LRFN5: variants seen among roughly 807,000 people sequenced by gnomAD.
LRFN5 encodes leucine rich repeat and fibronectin type III domain containing 5, also known as leucine-rich repeat and fibronectin type-III domain-containing protein 5.
LRFN5 carries 24 observed loss-of-function variants against 45.6 expected under a neutral mutation model. That is an observed-to-expected ratio of 0.53 (90% CI 0.38 to 0.74). The LOEUF (loss-of-function observed/expected upper bound fraction) is 0.74. Ranked by LOEUF, LRFN5 falls within the 30% of genes least tolerant of loss-of-function variation. The pLI, the probability that LRFN5 is intolerant of heterozygous loss-of-function variation, is 0.00. For missense variants in LRFN5, 776 were observed against 861.5 expected (o/e 0.90, Z 1.24); for synonymous variants, 340 against 313.8 (o/e 1.08, Z -0.88).
chr14:41,891,111 T>A (rs1300019871), intron 3 of LRFN5, 139 bp from the exon 4 acceptor site: 1 of 713,094 alleles, frequency 1.4e-6, no homozygotes, highest in Admixed American at 2.8e-5. Flanking sequence ...AAATATGAGA[T>A]TAGATCATTT....
At chr14:41,627,041 A>G (rs1403570842) in intron 1 of LRFN5, among the ~76,000 whole-genome samples, 1 of 152,164 alleles carries the variant, frequency 6.6e-6, no homozygotes, top group Non-Finnish European at 1.5e-5. Flanking sequence ...TACATTTTCA[A>G]TAAACTTGAT....
At chr14:41,706,395 C>T (rs562265386) in intron 1 of LRFN5, among the ~76,000 whole-genome samples, 48 of 152,174 alleles carry the variant, frequency 3.2e-4, no homozygotes, top group African/African-American at 9.1e-4. Context: ...CCACCATGTC[C>T]GGCCGTTTCT....
At chr14:41,744,415 C>T (rs574897217) in intron 1 of LRFN5, among the ~76,000 whole-genome samples, 30 of 151,810 alleles carry the variant, frequency 2.0e-4, no homozygotes, top group African/African-American at 6.3e-4. Flanking sequence ...CATTTCAATA[C>T]AAAAAAATTT....
At chr14:41,808,657 A>T (rs1887632462) in intron 2 of LRFN5, among the ~76,000 whole-genome samples, 2 of 152,066 alleles carry the variant, frequency 1.3e-5, no homozygotes, top group Admixed American at 1.3e-4. Flanking sequence ...TTGTGGCCAG[A>T]CCTATTAATC....
At chr14:41,608,693 C>T (rs992699951) in intron 1 of LRFN5, 131 bp downstream of exon 1, 1 of 152,342 alleles carries the variant, frequency 6.6e-6, no homozygotes, top group Non-Finnish European at 1.5e-5. Context: ...TATCCAAGGG[C>T]GCCTGCTCTG....
chr14:41,842,473 T>G (rs530377693), intron 2 of LRFN5, among the ~76,000 whole-genome samples: 1 of 152,216 alleles, frequency 6.6e-6, no homozygotes, highest in Admixed American at 6.5e-5. Flanking sequence ...TGTATATAAT[T>G]TACAACAAAT....
intron 1 of LRFN5, among the ~76,000 whole-genome samples, chr14:41,668,424 T>G (rs1881008186): frequency 6.6e-6 from 1 of 152,160 alleles, no homozygotes; most frequent in Non-Finnish European, 1.5e-5. Context: ...TTTATAACCT[T>G]GGACAATCAC....
chr14:41,725,121 C>T (rs1883877379), intron 1 of LRFN5, among the ~76,000 whole-genome samples: 2 of 152,112 alleles, frequency 1.3e-5, no homozygotes, highest in African/African-American at 4.8e-5. Context: ...GGCCCATCGC[C>T]TTACATTAAT....
intron 2 of LRFN5, among the ~76,000 whole-genome samples, chr14:41,782,974 C>CCTT (rs1886583481): frequency 7.8e-6 from 1 of 127,634 alleles, no homozygotes; most frequent in Non-Finnish European, 1.6e-5. Context: ...GGTGATACAG[C>CCTT]TTTTTTTTTT....
intron 1 of LRFN5, among the ~76,000 whole-genome samples, chr14:41,638,797 T>G (rs1027445849): frequency 5.9e-5 from 9 of 152,234 alleles, no homozygotes; most frequent in African/African-American, 2.2e-4. Flanking sequence ...TTATAAAGCA[T>G]AGTAATAATG....
intron 2 of LRFN5, among the ~76,000 whole-genome samples, chr14:41,795,578 A>C (rs540810449): frequency 6.6e-6 from 1 of 152,130 alleles, no homozygotes; most frequent in Admixed American, 6.6e-5. Context: ...CATATACACC[A>C]TGGAATGCTA....
chr14:41,810,139 C>G (rs1022958792), intron 2 of LRFN5, among the ~76,000 whole-genome samples: 8 of 151,974 alleles, frequency 5.3e-5, no homozygotes, highest in African/African-American at 1.9e-4. Context: ...TAATTGTAGA[C>G]CAATACACAG....
chr14:41,686,450 C>T (rs1231608224), intron 1 of LRFN5, among the ~76,000 whole-genome samples: 1 of 151,706 alleles, frequency 6.6e-6, no homozygotes, highest in Non-Finnish European at 1.5e-5. Context: ...TATTTGAATA[C>T]CCTTTATTTC....
chr14:41,678,368 C>T (rs1221251120), intron 1 of LRFN5, among the ~76,000 whole-genome samples: 2 of 151,878 alleles, frequency 1.3e-5, no homozygotes, highest in Non-Finnish European at 2.9e-5. Flanking sequence ...AATATATATA[C>T]ATCTAACAAC....
intron 1 of LRFN5, among the ~76,000 whole-genome samples, chr14:41,749,183 G>C (rs1198837069): frequency 3.3e-5 from 5 of 149,538 alleles, no homozygotes; most frequent in Non-Finnish European, 1.5e-5. Context: ...CTGTTGCAAT[G>C]ACAATTAAAT....
At chr14:41,903,223 C>T (rs1468097221) in intron 5 of LRFN5, among the ~76,000 whole-genome samples, 1 of 151,030 alleles carries the variant, frequency 6.6e-6, no homozygotes, top group Non-Finnish European at 1.5e-5. Flanking sequence ...CAAAAATAAC[C>T]TTTAATATAC....
At chr14:41,874,962 A>G (rs1402852868) in intron 2 of LRFN5, among the ~76,000 whole-genome samples, 1 of 152,174 alleles carries the variant, frequency 6.6e-6, no homozygotes, top group Non-Finnish European at 1.5e-5. Context: ...CAAGAATAGC[A>G]TGAGGGTAAC....
intron 1 of LRFN5, among the ~76,000 whole-genome samples, chr14:41,756,620 G>C (rs563871969): frequency 1.3e-5 from 2 of 152,130 alleles, no homozygotes; most frequent in East Asian, 3.9e-4. Flanking sequence ...CGTCCTTTAA[G>C]GACTTCTCTG....
At chr14:41,653,290 G>T (rs1880217583) in intron 1 of LRFN5, among the ~76,000 whole-genome samples, 1 of 152,054 alleles carries the variant, frequency 6.6e-6, no homozygotes, top group African/African-American at 2.4e-5. Context: ...AGTTTTTATA[G>T]CTTTGGGTTT....
Sources: allele counts gnomAD v4.1 joint callset (sites outside exome capture counted in the v4.1 genomes callset), GRCh38; gene constraint gnomAD v4.1.1; transcripts MANE v1.5; gene names NCBI Gene and HGNC (gene_info 2026-07-23, HGNC 2026-07-21).